Variants in ARHGEF7 observed in about 807,000 individuals in gnomAD.
ARHGEF7 encodes the protein Rho guanine nucleotide exchange factor 7.
Under a neutral mutation model 109.8 loss-of-function variants are expected in ARHGEF7, and 33 were observed. The observed-to-expected ratio is 0.30, with a 90% confidence interval of 0.23 to 0.40. The LOEUF (loss-of-function observed/expected upper bound fraction) is 0.40. Among genes scored for constraint, ARHGEF7 ranks in the 10% least tolerant of loss-of-function variants. ARHGEF7 has a pLI of 1.00. For synonymous variants in ARHGEF7, 458 were observed against 424.6 expected (o/e 1.08, Z -0.97); for missense variants, 938 against 1,098.5 (o/e 0.85, Z 2.07).
At chr13:111,291,456 C>A (rs759264944) in intron 18 of ARHGEF7, among the ~76,000 whole-genome samples, 1 of 152,268 alleles carries the variant, frequency 6.6e-6, no homozygotes, top group South Asian at 2.1e-4. Context: ...TAAGCTCCAG[C>A]GCGCCCTGGG....
intron 1 of ARHGEF7, among the ~76,000 whole-genome samples, chr13:111,129,103 G>A (rs1438642634): frequency 1.3e-5 from 2 of 152,116 alleles, no homozygotes; most frequent in Admixed American, 1.3e-4. Context: ...CAAGACACTT[G>A]GCTGTCCAAA....
At chr13:111,210,345 A>C (rs2082346901) in intron 4 of ARHGEF7, among the ~76,000 whole-genome samples, 1 of 152,210 alleles carries the variant, frequency 6.6e-6, no homozygotes, top group African/African-American at 2.4e-5. Context: ...TGAGAATAAG[A>C]AATATGTATG....
At chr13:111,121,086 C>T (rs1296546108) in intron 1 of ARHGEF7, among the ~76,000 whole-genome samples, 2 of 152,144 alleles carry the variant, frequency 1.3e-5, no homozygotes, top group East Asian at 1.9e-4. Context: ...CTCAGGTCAC[C>T]GGCCACAGGG....
At chr13:111,126,477 G>A (rs1434817905) in intron 1 of ARHGEF7, among the ~76,000 whole-genome samples, 1 of 148,972 alleles carries the variant, frequency 6.7e-6, no homozygotes, top group African/African-American at 2.5e-5. Flanking sequence ...GCAGCTGAGC[G>A]AGACTCCATC....
chr13:111,225,158 C>T (rs558301132), intron 5 of ARHGEF7, among the ~76,000 whole-genome samples: 1 of 152,152 alleles, frequency 6.6e-6, no homozygotes, highest in African/African-American at 2.4e-5. Context: ...ACACATCTTC[C>T]GTTTCAGGAG....
chr13:111,153,567 GC>G (rs894844507), intron 1 of ARHGEF7: 9 of 1,030,036 alleles, frequency 8.7e-6, no homozygotes, highest in Non-Finnish European at 1.1e-5. Flanking sequence ...AGCAGGGTGG[GC>G]TGCGTCCGCG....
chr13:111,291,061 A>G (rs1290170352), intron 18 of ARHGEF7, among the ~76,000 whole-genome samples: 1 of 152,252 alleles, frequency 6.6e-6, no homozygotes, highest in Non-Finnish European at 1.5e-5. Flanking sequence ...TAACTCCAGG[A>G]AGTAACGGCC....
chr13:111,216,391 G>C (rs1228274732), intron 4 of ARHGEF7, among the ~76,000 whole-genome samples: 1 of 152,152 alleles, frequency 6.6e-6, no homozygotes, highest in Non-Finnish European at 1.5e-5. Flanking sequence ...GCCAGTGTGG[G>C]CAGATGGAAT....
chr13:111,256,727 A>C (rs1257172423), intron 8 of ARHGEF7, among the ~76,000 whole-genome samples: 2 of 152,034 alleles, frequency 1.3e-5, no homozygotes, highest in African/African-American at 4.8e-5. Flanking sequence ...CCCACCTTGA[A>C]TCATTTGCCG....
chr13:111,117,027 AG>A (rs2066836154), intron 1 of ARHGEF7, among the ~76,000 whole-genome samples: 1 of 152,224 alleles, frequency 6.6e-6, no homozygotes, highest in African/African-American at 2.4e-5. Context: ...CTGACTTTCA[AG>A]GCATTCAAAA....
chr13:111,150,912 G>A (rs545894149), intron 1 of ARHGEF7, among the ~76,000 whole-genome samples: 6 of 152,310 alleles, frequency 3.9e-5, no homozygotes, highest in East Asian at 1.9e-4. Flanking sequence ...TTTTGCCCTA[G>A]AGATATCGTT....
At chr13:111,201,729 A>G (rs1011917830) in intron 2 of ARHGEF7, among the ~76,000 whole-genome samples, 10 of 152,178 alleles carry the variant, frequency 6.6e-5, no homozygotes, top group South Asian at 2.1e-4. Context: ...AAGGGGCCCA[A>G]TGCAGGGCTG....
intron 1 of ARHGEF7, chr13:111,153,606 A>C: frequency 8.7e-7 from 1 of 1,151,748 alleles, no homozygotes; most frequent in Non-Finnish European, 1.1e-6. Context: ...CTATCCGAAG[A>C]CGTCCCGCGC....
At chr13:111,247,918 C>T (rs2089165901) in intron 8 of ARHGEF7, among the ~76,000 whole-genome samples, 1 of 152,188 alleles carries the variant, frequency 6.6e-6, no homozygotes, top group African/African-American at 2.4e-5. Flanking sequence ...GGGGCCTCGA[C>T]CTGGCCCTAA....
intron 8 of ARHGEF7, among the ~76,000 whole-genome samples, chr13:111,265,039 G>A (rs753569786): frequency 2.7e-5 from 4 of 148,056 alleles, no homozygotes; most frequent in Non-Finnish European, 5.9e-5. Flanking sequence ...CACGAGAATC[G>A]CTTGAACCGG....
intron 9 of ARHGEF7, among the ~76,000 whole-genome samples, chr13:111,268,408 T>A (rs2091857696): frequency 6.6e-6 from 1 of 152,248 alleles, no homozygotes; most frequent in Non-Finnish European, 1.5e-5. Flanking sequence ...TTTCATAATT[T>A]CTTTTGAAAA....
intron 12 of ARHGEF7, 133 bp downstream of exon 12, chr13:111,275,811 T>C: frequency 8.6e-7 from 1 of 1,165,298 alleles, no homozygotes; most frequent in Non-Finnish European, 1.3e-6. Context: ...TGAGCTACTT[T>C]TTATTCTTGA....
chr13:111,294,386 A>G, intron 19 of ARHGEF7: 2 of 985,440 alleles, frequency 2.0e-6, no homozygotes, highest in Non-Finnish European at 2.4e-6. Context: ...ACTCAAACAC[A>G]GTTGCTGCAC....
intron 2 of ARHGEF7, among the ~76,000 whole-genome samples, chr13:111,193,706 C>T (rs182343962): frequency 1.3e-5 from 2 of 152,348 alleles, no homozygotes; most frequent in Admixed American, 1.3e-4. Context: ...GTCGTTACAT[C>T]ACTAACTATG....
Sources: allele counts gnomAD v4.1 joint callset (sites outside exome capture counted in the v4.1 genomes callset), GRCh38; gene constraint gnomAD v4.1.1; transcripts MANE v1.5; gene names NCBI Gene and HGNC (gene_info 2026-07-23, HGNC 2026-07-21).